The following NEGR1 variants were observed in gnomAD, a reference collection of about 807,000 sequenced individuals.
The protein encoded by NEGR1 is IgLON family member 4.
NEGR1 carries 10 observed loss-of-function variants against 40.9 expected under a neutral mutation model. The observed-to-expected ratio is 0.24, with a 90% CI of 0.15 to 0.42. The LOEUF (loss-of-function observed/expected upper bound fraction) is 0.42, where lower values mean the gene tolerates loss of function less well. NEGR1 is among the 10% of genes least tolerant of loss of function. The pLI, the probability that NEGR1 is intolerant of heterozygous loss-of-function variation, is 1.00. For missense variants in NEGR1, 352 were observed against 438.9 expected, an observed-to-expected ratio of 0.80 and a Z score of 1.77; for synonymous variants, 185 against 166.8, an observed-to-expected ratio of 1.11 and a Z score of -0.84.
chr1:71,867,614 A>G (rs983611317), intron 2 of NEGR1, among the ~76,000 whole-genome samples: 7 of 152,208 alleles, frequency 4.6e-5, no homozygotes, highest in Admixed American at 1.3e-4. Context: ...TGTTATGATT[A>G]GAATTGCCGT....
intron 1 of NEGR1, among the ~76,000 whole-genome samples, chr1:72,048,394 C>T (rs1169811254): frequency 1.6e-5 from 2 of 126,028 alleles, no homozygotes; most frequent in Non-Finnish European, 3.3e-5. Flanking sequence ...TCATTAGAAA[C>T]AAATCGTATC....
intron 1 of NEGR1, among the ~76,000 whole-genome samples, chr1:72,171,163 A>G (rs1330625168): frequency 6.6e-6 from 1 of 152,162 alleles, no homozygotes; most frequent in African/African-American, 2.4e-5. Context: ...AGCAGGAAGG[A>G]ATTTTTCTCT....
chr1:71,404,340 C>T lies in NEGR1; in HGVS notation c.*3106G>A, dbSNP rs1232042248. 1.3e-5 allele frequency: 2 copies of T among 151,888 alleles called. No individual in the cohort carries two copies. The highest frequency in any genetic ancestry group is 4.8e-5 in the African/African-American group (2 of 41,366). 9.4% of individuals were successfully genotyped at this position (151,888 alleles called of 1,614,324 possible). ...AATCTTTTAGTGTCTCAAAAACACC[C>T]ACATTACTATAACTTGGGCAGTACT... On this transcript the variant is annotated 3_prime_UTR_variant, in exon 7 of 7. Transcript: ENST00000357731.
chr1:71,451,156 A>T (rs1303311186), intron 6 of NEGR1, among the ~76,000 whole-genome samples: 1 of 152,178 alleles, frequency 6.6e-6, no homozygotes, highest in Non-Finnish European at 1.5e-5. Flanking sequence ...TCCCTTAAGT[A>T]GGGCAGACAG....
chr1:71,730,704 A>G (rs1654832955), intron 3 of NEGR1, among the ~76,000 whole-genome samples: 1 of 151,376 alleles, frequency 6.6e-6, no homozygotes, highest in Non-Finnish European at 1.5e-5. Flanking sequence ...ATTACCTTCT[A>G]CAATTAATAT....
At chr1:71,499,035 C>A (rs1052626150) in intron 6 of NEGR1, among the ~76,000 whole-genome samples, 4 of 152,120 alleles carry the variant, frequency 2.6e-5, no homozygotes, top group Non-Finnish European at 5.9e-5. Context: ...CATACAAATA[C>A]CTTGACAAAA....
chr1:72,180,215 C>G (rs1258709980), intron 1 of NEGR1, among the ~76,000 whole-genome samples: 3 of 151,776 alleles, frequency 2.0e-5, no homozygotes, highest in African/African-American at 7.3e-5. Context: ...AGTCAAGAAA[C>G]AAATCTAAAC....
intron 6 of NEGR1, chr1:71,422,700 G>A (rs992492317): frequency 6.6e-6 from 1 of 152,158 alleles, no homozygotes; most frequent in Admixed American, 6.5e-5. Flanking sequence ...GAATATTATA[G>A]AAAGGATTTT....
intron 1 of NEGR1, among the ~76,000 whole-genome samples, chr1:72,007,538 C>T (rs1377416410): frequency 6.6e-6 from 1 of 152,100 alleles, no homozygotes; most frequent in African/African-American, 2.4e-5. Context: ...ACTGCTATGC[C>T]ACATTACTCA....
intron 1 of NEGR1, among the ~76,000 whole-genome samples, chr1:72,166,736 T>G (rs1474108634): frequency 6.6e-6 from 1 of 152,072 alleles, no homozygotes; most frequent in Non-Finnish European, 1.5e-5. Context: ...GAGAGTATTA[T>G]TATGGTTACC....
intron 6 of NEGR1, among the ~76,000 whole-genome samples, chr1:71,464,352 G>T (rs945809765): frequency 2.6e-5 from 4 of 152,030 alleles, no homozygotes; most frequent in Non-Finnish European, 5.9e-5. Context: ...TAGTACCATG[G>T]TAAGTTTAAA....
intron 1 of NEGR1, among the ~76,000 whole-genome samples, chr1:72,281,113 C>G (rs1656225753): frequency 6.6e-6 from 1 of 152,018 alleles, no homozygotes; most frequent in South Asian, 2.1e-4. Context: ...TTATTAATGA[C>G]AAACCACCTC....
At chr1:71,441,241 G>T (rs1646545187) in intron 6 of NEGR1, among the ~76,000 whole-genome samples, 1 of 152,178 alleles carries the variant, frequency 6.6e-6, no homozygotes, top group African/African-American at 2.4e-5. Flanking sequence ...TGTGAAATTA[G>T]TGTGGCTGGA....
At chr1:71,534,865 C>T (rs1647464902) in intron 6 of NEGR1, among the ~76,000 whole-genome samples, 1 of 151,298 alleles carries the variant, frequency 6.6e-6, no homozygotes, top group African/African-American at 2.4e-5. Flanking sequence ...CATTCTTATC[C>T]CCAAATTCCA....
chr1:71,737,500 T>G (rs1655077038), intron 3 of NEGR1, among the ~76,000 whole-genome samples: 1 of 152,192 alleles, frequency 6.6e-6, no homozygotes, highest in Non-Finnish European at 1.5e-5. Flanking sequence ...ACTCTCTCAC[T>G]ATGCAAGTTG....
chr1:72,139,410 G>GA (rs925066123), intron 1 of NEGR1, among the ~76,000 whole-genome samples: 1 of 151,696 alleles, frequency 6.6e-6, no homozygotes, highest in Non-Finnish European at 1.5e-5. Flanking sequence ...ATACTGATCA[G>GA]AAAAAAATAA....
At chr1:71,542,399 T>C (rs1647743646) in intron 6 of NEGR1, among the ~76,000 whole-genome samples, 1 of 151,726 alleles carries the variant, frequency 6.6e-6, no homozygotes, top group African/African-American at 2.4e-5. Flanking sequence ...CATTCTGTAC[T>C]AGGCAATGCT....
intron 1 of NEGR1, among the ~76,000 whole-genome samples, chr1:72,163,751 TAGA>T (rs547077346): frequency 6.0e-4 from 76 of 126,032 alleles, no homozygotes; most frequent in Middle Eastern, 4.0e-3. Flanking sequence ...GATAGATAGA[TAGA>T]TAGATAGATA....
intron 2 of NEGR1, among the ~76,000 whole-genome samples, chr1:71,795,604 C>A (rs1657294848): frequency 1.3e-5 from 2 of 152,020 alleles, no homozygotes; most frequent in Non-Finnish European, 2.9e-5. Context: ...TATACAGTTT[C>A]CAAAAGCAAA....
Sources: allele counts gnomAD v4.1 joint callset (sites outside exome capture counted in the v4.1 genomes callset), GRCh38; gene constraint gnomAD v4.1.1; transcripts MANE v1.5; gene names NCBI Gene and HGNC (gene_info 2026-07-23, HGNC 2026-07-21).